ZC3H18: variants seen among roughly 807,000 people sequenced by gnomAD.
The protein encoded by ZC3H18 is zinc finger CCCH domain-containing protein 18.
In ZC3H18, 8 loss-of-function variants were observed where a neutral mutation model predicts 106.1. The ratio of observed to expected loss-of-function variants is 0.08; its 90% CI spans 0.04 to 0.14. ZC3H18 has a LOEUF of 0.14. Ranked by LOEUF, ZC3H18 falls within the 10% of genes least tolerant of loss-of-function variation. The pLI, the probability that ZC3H18 is intolerant of heterozygous loss-of-function variation, is 1.00. For missense variants in ZC3H18, 1,318 were observed against 1,278.4 expected (o/e 1.03, Z -0.47); for synonymous variants, 635 against 522.1 (o/e 1.22, Z -2.95).
Position 88,577,239 on chromosome 16 carries a change from A to T in ZC3H18, c.116A>T (p.Asp39Val). The T allele has an allele frequency of 6.2e-7, 1 of 1,612,538 alleles. No individual in the cohort carries two copies. The highest frequency in any genetic ancestry group is 8.5e-7 in the Non-Finnish European group (1 of 1,179,546). The change falls in exon 2 of 18, where the codon GAC becomes GTC. Residue 39 changes from aspartate to valine, a missense_variant. Around this residue, in one of 6 missense-constraint regions of ZC3H18, gnomAD observed 346 missense variants for 269.0 expected, o/e 1.29. Transcript: ENST00000301011. ...LRDSGSDQDL[D>V]GAGVRASDLE... ...GACAGCGGGTCCGATCAGGATTTGG[A>T]CGGGGCGGGGGTGAGGGCTTCTGAT...
At chr16:88,579,085 G>C (rs1006340044) in intron 2 of ZC3H18, among the ~76,000 whole-genome samples, 2 of 152,182 alleles carry the variant, frequency 1.3e-5, no homozygotes, top group African/African-American at 4.8e-5. Context: ...GCACTGCTCA[G>C]TAATTTATAG....
chr16:88,628,678 G>T, intron 15 of ZC3H18, 80 bp from the exon 16 acceptor site: 1 of 1,496,446 alleles, frequency 6.7e-7, no homozygotes. Flanking sequence ...TTGCTGGCAA[G>T]GAACCCATGT....
At chr16:88,574,654 C>A (rs889669356) in intron 1 of ZC3H18, among the ~76,000 whole-genome samples, 6 of 149,356 alleles carry the variant, frequency 4.0e-5, no homozygotes, top group Non-Finnish European at 8.9e-5. Context: ...AGGTGCCCTA[C>A]CACACCCAGC....
chr16:88,620,594 A>G (rs1407344601), intron 8 of ZC3H18, among the ~76,000 whole-genome samples: 4 of 151,634 alleles, frequency 2.6e-5, no homozygotes, highest in African/African-American at 9.7e-5. Flanking sequence ...AGAAAAAAAA[A>G]AAAAAAGCCA....
In ZC3H18 at chr16:88,627,819, C is replaced by T. The variant is rs1484155703; in HGVS notation, c.2269+37C>T. On this transcript the variant is annotated intron_variant, in intron 14 of 17. Transcript: ENST00000301011. This position sits in a 1 kb window ranked among gnomAD's most constrained non-coding sequence, Gnocchi z 4.5. The stretch of plus-strand genomic sequence containing the variant: ...CCCTGGTACCTTTGGGGAGCAGCTC[C>T]CGGGGGAGGAGGGCGGCATCAGCAC... The T allele has an allele frequency of 6.2e-7, 1 of 1,609,948 alleles. No individual in the cohort carries two copies. The highest frequency in any genetic ancestry group is 1.3e-5 in the African/African-American group (1 of 74,876).
intron 8 of ZC3H18, among the ~76,000 whole-genome samples, chr16:88,618,819 C>T (rs1298227116): frequency 6.6e-6 from 1 of 152,166 alleles, no homozygotes; most frequent in African/African-American, 2.4e-5. Context: ...CATGCAAATT[C>T]CAGATCTGTC....
At chr16:88,615,919 C>T (rs1162295238) in intron 8 of ZC3H18, among the ~76,000 whole-genome samples, 2 of 151,922 alleles carry the variant, frequency 1.3e-5, no homozygotes, top group African/African-American at 4.9e-5. Context: ...GTTAGAGGGC[C>T]GCCATGCCTA....
At chr16:88,613,295 T>G (rs1184058246) in intron 8 of ZC3H18, among the ~76,000 whole-genome samples, 3 of 152,220 alleles carry the variant, frequency 2.0e-5, no homozygotes, top group African/African-American at 7.2e-5. Context: ...TTTTGGCTGT[T>G]GTGGTTGTGA....
Position 88,608,829 on chromosome 16 carries a change from C to T in ZC3H18, c.1089-105C>T, listed in dbSNP as rs1905136507. 4 of 914,516 alleles carry T rather than the reference C, an allele frequency of 4.4e-6. No individual in the cohort carries two copies. In the East Asian group the frequency reaches 7.6e-5, roughly 17 times the overall value. 56.7% of individuals were successfully genotyped at this position (914,516 alleles called of 1,614,324 possible). ...CCAACCTTGCGCTCCTGGAGTAAACCCCACTGCGTCACGGTCTGTTACTTT... is the reference window on the plus strand; with the variant it reads ...CCAACCTTGCGCTCCTGGAGTAAACTCCACTGCGTCACGGTCTGTTACTTT... On this transcript the variant is annotated intron_variant, in intron 6 of 17. Coordinates refer to ENST00000301011, the MANE Select transcript of ZC3H18 (RefSeq NM_144604.4).
chr16:88,622,138 C>T (rs984000958), intron 8 of ZC3H18, 59 bp from the exon 9 acceptor site: 1 of 1,544,212 alleles, frequency 6.5e-7, no homozygotes, highest in Non-Finnish European at 8.8e-7. Context: ...GCTGTCACAC[C>T]TGGCATTGCT....
chr16:88,623,484 G>A (rs1411093692), intron 10 of ZC3H18, 140 bp downstream of exon 10: 1 of 1,191,430 alleles, frequency 8.4e-7, no homozygotes, highest in Non-Finnish European at 1.2e-6. Flanking sequence ...ATGGCCAGGG[G>A]GTCGTGTCCT....
At chr16:88,625,506 A>T in intron 13 of ZC3H18, 1 of 551,572 alleles carries the variant, frequency 1.8e-6, no homozygotes, top group East Asian at 3.2e-5. Context: ...ACTCGGGGGC[A>T]CTCAGGTCAG....
intron 4 of ZC3H18, 124 bp from the exon 5 acceptor site, chr16:88,598,496 C>A: frequency 1.4e-6 from 2 of 1,449,300 alleles, no homozygotes; most frequent in African/African-American, 1.4e-5. Flanking sequence ...CGGAGTGAGG[C>A]TTGGTGGAAG....
chr16:88,617,474 T>C (rs1380474488), intron 8 of ZC3H18, among the ~76,000 whole-genome samples: 3 of 152,204 alleles, frequency 2.0e-5, no homozygotes, highest in African/African-American at 7.2e-5. Flanking sequence ...TCTTTATAGC[T>C]AGGCCGATGG....
At chr16:88,580,162 G>T (rs1225897092) in intron 2 of ZC3H18, among the ~76,000 whole-genome samples, 1 of 36,204 alleles carries the variant, frequency 2.8e-5, no homozygotes, top group Non-Finnish European at 7.3e-5. Context: ...TCATCTGTGT[G>T]TGTGTGTGTG....
At position 88,577,188 on chromosome 16, in the gene ZC3H18, G is replaced by A. The variant is rs1597318108; in HGVS notation, c.65G>A (p.Gly22Glu). The change falls in exon 2 of 18, where the codon GGA becomes GAA. Residue 22 changes from glycine (G) to glutamate (E), a missense_variant. By Grantham distance (98) the Gly-to-Glu change is moderately conservative. Coordinates refer to ENST00000301011, the MANE Select transcript of ZC3H18 (RefSeq NM_144604.4). ...HSPEDEEQPQ[G>E]LSDDDILRDS... ...CCAGAGGATGAAGAGCAGCCACAGG[G>A]ACTCTCGGACGATGACATTCTGAGG... 6.2e-7 allele frequency: 1 copy of A among 1,609,782 alleles called. No homozygotes were observed. Among genetic ancestry groups the A allele is most frequent in the East Asian group, 2.2e-5 (1 of 44,824 alleles).
chr16:88,599,605 G>T (rs1904637012), intron 5 of ZC3H18, among the ~76,000 whole-genome samples, 186 bp from the exon 6 acceptor site: 1 of 152,172 alleles, frequency 6.6e-6, no homozygotes, highest in African/African-American at 2.4e-5. Context: ...GCAGAGACGG[G>T]CACAGACTGC....
chr16:88,582,208 C>G (rs1915172212), intron 2 of ZC3H18, among the ~76,000 whole-genome samples: 1 of 117,258 alleles, frequency 8.5e-6, no homozygotes, highest in Non-Finnish European at 1.7e-5. Context: ...TCCACCTTTC[C>G]TTTTTCTTTT....
intron 1 of ZC3H18, chr16:88,571,712 T>C (rs919071382): frequency 1.0e-6 from 1 of 981,654 alleles, no homozygotes; most frequent in African/African-American, 1.7e-5. Context: ...TACAGAGATT[T>C]GTATTTTGTC....
Sources: gnomAD v4.1 joint callset for allele counts (sites outside exome capture counted in the v4.1 genomes callset) on GRCh38, gnomAD v4.1.1 for gene constraint, gnomAD v4.1.1 regional missense constraint, Gnocchi (gnomAD v3.1) non-coding constraint, MANE v1.5 for transcripts, NCBI Gene and HGNC (gene_info 2026-07-23, HGNC 2026-07-21) for gene names.